The following HPGDS variants were observed in gnomAD, a reference collection of about 807,000 sequenced individuals.
The protein encoded by HPGDS is GST class-sigma.
A neutral mutation model predicts 23.1 loss-of-function variants in HPGDS; 26 were observed. The ratio of observed to expected loss-of-function variants is 1.13; its 90% confidence interval spans 0.83 to 1.56. The LOEUF is 1.56. Among genes scored for constraint, HPGDS ranks in the 40% most tolerant of loss-of-function variants. The probability of loss-of-function intolerance (pLI) is 0.00; values close to 1 mark genes in which losing one functional copy is unlikely to be tolerated. For missense variants in HPGDS, 268 were observed against 236.4 expected (o/e 1.13, Z -0.88); for synonymous variants, 95 against 77.9 (o/e 1.22, Z -1.16).
At chr4:94,329,523 C>T (rs188136264) in intron 2 of HPGDS, among the ~76,000 whole-genome samples, 8 of 152,230 alleles carry the variant, frequency 5.3e-5, no homozygotes, top group African/African-American at 1.9e-4. Context: ...ACATAACCAC[C>T]TCAAATAGGA....
At chr4:94,341,746 T>G (rs1193060421) in intron 1 of HPGDS, among the ~76,000 whole-genome samples, 2 of 152,216 alleles carry the variant, frequency 1.3e-5, no homozygotes, top group Non-Finnish European at 2.9e-5. Flanking sequence ...GAGTTTAAGA[T>G]GCAGATCTTA....
intron 2 of HPGDS, among the ~76,000 whole-genome samples, chr4:94,328,525 C>G (rs1037920356): frequency 1.3e-5 from 2 of 152,074 alleles, no homozygotes; most frequent in African/African-American, 4.8e-5. Context: ...AAGTAATATA[C>G]ATTTATTATA....
At chr4:94,303,249 C>A (rs745888988) in intron 4 of HPGDS, among the ~76,000 whole-genome samples, 3 of 152,094 alleles carry the variant, frequency 2.0e-5, no homozygotes, top group Non-Finnish European at 4.4e-5. Context: ...CAGGTTGAGC[C>A]TCCCTAGTCC....
intron 2 of HPGDS, among the ~76,000 whole-genome samples, chr4:94,320,267 G>T (rs1560590314): frequency 6.6e-6 from 1 of 152,108 alleles, no homozygotes; most frequent in East Asian, 1.9e-4. Flanking sequence ...AATCCTTTGG[G>T]TATATGCCCA....
At chr4:94,302,547 T>C (rs10028613) in intron 4 of HPGDS, among the ~76,000 whole-genome samples, 106,621 of 152,014 alleles carry the variant, frequency 0.7, 38,817 homozygotes, top group African/African-American at 0.91. Context: ...TTTACTAAAG[T>C]GAAATGATTC....
At chr4:94,315,598 T>G (rs1025619752) in intron 3 of HPGDS, among the ~76,000 whole-genome samples, 6 of 152,124 alleles carry the variant, frequency 3.9e-5, no homozygotes, top group Non-Finnish European at 8.8e-5. Flanking sequence ...AGAAGCTTTC[T>G]AAAATGGATT....
Position 94,311,419 on chromosome 4 carries a change from T to A in HPGDS, c.227-2676A>T, listed in dbSNP as rs191682738. On this transcript the variant is annotated intron_variant, in intron 3 of 5. Transcript: ENST00000295256. ...TCATGTGGTTTTTTGTCATCGGTTG[T>A]GTTTATATGCTGGATTACGTTTATT... Among the ~76,000 whole-genome samples the A allele has an allele frequency of 4.6e-5, 7 of 151,484 alleles. No individual in the cohort carries two copies. The East Asian group carries it at 1.3e-3, about 29-fold the overall frequency.
intron 4 of HPGDS, among the ~76,000 whole-genome samples, chr4:94,307,408 C>A (rs1191894967): frequency 6.6e-6 from 1 of 151,974 alleles, no homozygotes; most frequent in East Asian, 1.9e-4. Flanking sequence ...GTGTGACTCA[C>A]AAGATAGACA....
chr4:94,308,796 T>C, intron 3 of HPGDS, 53 bp from the exon 4 acceptor site: 1 of 1,019,292 alleles, frequency 9.8e-7, no homozygotes, highest in Non-Finnish European at 1.5e-6. Flanking sequence ...TATTAAAAAG[T>C]TTGTTTTTAA....
chr4:94,306,224 C>A (rs933862712), intron 4 of HPGDS, among the ~76,000 whole-genome samples: 3 of 152,026 alleles, frequency 2.0e-5, no homozygotes, highest in Admixed American at 6.6e-5. Context: ...AATCACACAC[C>A]ACCTGCCAGT....
At chr4:94,308,814 T>C in intron 3 of HPGDS, 71 bp from the exon 4 acceptor site, 2 of 742,840 alleles carry the variant, frequency 2.7e-6, no homozygotes, top group Non-Finnish European at 4.7e-6. Flanking sequence ...TAACAGATAG[T>C]ATACTCATAT....
In HPGDS at chr4:94,298,713, T is replaced by C. The variant is rs997066138; in HGVS notation, c.*767A>G. 1 of 152,254 alleles carries C rather than the reference T, an allele frequency of 6.6e-6. No individual in the cohort carries two copies. The highest frequency in any genetic ancestry group is 2.4e-5 in the African/African-American group (1 of 41,468). 9.4% of individuals were successfully genotyped at this position (152,254 alleles called of 1,614,324 possible). ...TACATTTTTCTCATCACAACAACTTTATTCATGTCAGTAAATTCATCTTTA... is the reference window on the plus strand; with the variant it reads ...TACATTTTTCTCATCACAACAACTTCATTCATGTCAGTAAATTCATCTTTA... On this transcript the variant is annotated 3_prime_UTR_variant, in exon 6 of 6. Coordinates refer to ENST00000295256, the MANE Select transcript of HPGDS (RefSeq NM_014485.3).
chr4:94,308,993 T>C (rs1320864350), intron 3 of HPGDS, among the ~76,000 whole-genome samples: 1 of 149,030 alleles, frequency 6.7e-6, no homozygotes, highest in Non-Finnish European at 1.5e-5. Context: ...TAGATATGCT[T>C]CCTCATCCCA....
At chr4:94,328,630 A>T (rs968452673) in intron 2 of HPGDS, among the ~76,000 whole-genome samples, 4 of 152,224 alleles carry the variant, frequency 2.6e-5, no homozygotes, top group Non-Finnish European at 4.4e-5. Context: ...TTTAAAACAA[A>T]TTATAATGCA....
intron 4 of HPGDS, among the ~76,000 whole-genome samples, chr4:94,304,333 A>C (rs1223214280): frequency 6.6e-6 from 1 of 152,176 alleles, no homozygotes. Flanking sequence ...ACACAGATAC[A>C]TTAAATAACC....
chr4:94,340,343 T>C (rs1372665863), intron 1 of HPGDS, among the ~76,000 whole-genome samples: 9 of 65,592 alleles, frequency 1.4e-4, no homozygotes, highest in Non-Finnish European at 2.6e-4. Flanking sequence ...TTTTTTTTTT[T>C]TTTTTTTTTT....
Position 94,334,706 on chromosome 4 carries a change from A to G in HPGDS, c.-9-68T>C, listed in dbSNP as rs951093977. 9.0e-6 allele frequency: 13 copies of G among 1,447,418 alleles called. No individual in the cohort carries two copies. In the African/African-American group the frequency reaches 1.7e-4, roughly 19 times the overall value. The allele number at this position is 1,447,418 out of a possible 1,614,324, so 89.7% of individuals were successfully genotyped here. A position where few individuals can be genotyped will look rare whatever the true frequency, so the allele number is the denominator to read the frequency against. ...GAGATGCCTCAATATTTTTCTTCAG[A>G]ATTTTTTGGAAAACTTTATGGCATC... On this transcript the variant is annotated intron_variant, in intron 1 of 5. Transcript: ENST00000295256.
chr4:94,299,581 G>A lies in HPGDS; in HGVS notation c.499C>T (p.Leu167=), dbSNP rs889866168. ...ACCAGCCTTGGATGGTTGTCTAACA[G>A]GTCAGGCTTAAAGACCAAAAGTGTG... The part of the protein sequence containing the change: ...STTLLVFKPD[L]LDNHPRLVTL... Residue 167 remains leucine, a synonymous_variant, in exon 6 of 6, where the codon CTG becomes TTG. Coordinates refer to ENST00000295256, the MANE Select transcript of HPGDS (RefSeq NM_014485.3). The A allele has an allele frequency of 1.9e-6, 3 of 1,614,118 alleles. No homozygotes were observed. The highest frequency in any genetic ancestry group is 1.6e-4 in the Middle Eastern group (1 of 6,062).
At position 94,308,744 on chromosome 4, in the gene HPGDS, CTG is replaced by C. The variant is rs745964304; in HGVS notation, c.227-3_227-2del. 4 of 1,536,964 alleles carry C rather than the reference CTG, an allele frequency of 2.6e-6. No individual in the cohort carries two copies. Among genetic ancestry groups the C allele is most frequent in the Non-Finnish European group, 3.6e-6 (4 of 1,112,808 alleles). On this transcript the variant is annotated splice_acceptor_variant and splice_polypyrimidine_tract_variant and intron_variant, in intron 3 of 5. Coordinates refer to ENST00000295256, the MANE Select transcript of HPGDS (RefSeq NM_014485.3). LOFTEE classifies it high-confidence loss of function. ...TCCATTTCTGTGTTTCCAGCCAAATCTGTGGAATAGAGAGAGGCCCATCAATA... is the reference window on the plus strand; with the variant it reads ...TCCATTTCTGTGTTTCCAGCCAAATCTGGAATAGAGAGAGGCCCATCAATA...
Sources: gnomAD v4.1 joint callset for allele counts (sites outside exome capture counted in the v4.1 genomes callset) on GRCh38, gnomAD v4.1.1 for gene constraint, MANE v1.5 for transcripts, NCBI Gene and HGNC (gene_info 2026-07-23, HGNC 2026-07-21) for gene names.